The following RIPOR2 variants were observed in gnomAD, a reference collection of about 807,000 sequenced individuals.
RIPOR2 encodes the protein rho family-interacting cell polarization regulator 2.
In RIPOR2, 39 loss-of-function variants were observed where a neutral mutation model predicts 114.5. The ratio of observed to expected loss-of-function variants is 0.34; its 90% CI spans 0.26 to 0.44. RIPOR2 has a LOEUF of 0.44. Among genes scored for constraint, RIPOR2 ranks in the 20% least tolerant of loss-of-function variants. The probability of loss-of-function intolerance (pLI) is 1.00; values close to 1 mark genes in which losing one functional copy is unlikely to be tolerated. For synonymous variants in RIPOR2, 445 were observed against 484.4 expected (o/e 0.92, Z 1.07); for missense variants, 1,007 against 1,255.1 (o/e 0.80, Z 2.99).
At chr6:24,950,850 T>C (rs1181044402) in intron 1 of RIPOR2, among the ~76,000 whole-genome samples, 3 of 152,230 alleles carry the variant, frequency 2.0e-5, no homozygotes, top group Admixed American at 6.5e-5. Context: ...ATTTCTCAAA[T>C]CTTTTATTTT....
chr6:25,017,342 T>C (rs1776059712), intron 1 of RIPOR2, among the ~76,000 whole-genome samples: 1 of 152,198 alleles, frequency 6.6e-6, no homozygotes, highest in South Asian at 2.1e-4. Context: ...AAATGCCATT[T>C]AGGCAGAGCA....
chr6:24,952,758 A>G (rs999024735), intron 1 of RIPOR2, among the ~76,000 whole-genome samples: 1 of 152,276 alleles, frequency 6.6e-6, no homozygotes, highest in African/African-American at 2.4e-5. Context: ...TCTCATAAGC[A>G]GGTATGTGCT....
chr6:24,949,025 C>A (rs902312919), intron 1 of RIPOR2, among the ~76,000 whole-genome samples: 2 of 152,140 alleles, frequency 1.3e-5, no homozygotes, highest in Non-Finnish European at 1.5e-5. Flanking sequence ...GGGCTCATTT[C>A]ATCTCTGTAC....
chr6:24,853,577 T>G (rs929274941), intron 8 of RIPOR2, among the ~76,000 whole-genome samples: 2 of 152,224 alleles, frequency 1.3e-5, no homozygotes, highest in African/African-American at 4.8e-5. Flanking sequence ...AAGATGGAGT[T>G]ACACCTGAGG....
intron 1 of RIPOR2, among the ~76,000 whole-genome samples, chr6:24,975,037 AAT>A (rs1561819241): frequency 0.012 from 1,804 of 152,336 alleles, 22 homozygotes; most frequent in African/African-American, 0.032. Context: ...GGTTTCTTTT[AAT>A]GGTAATAAAA....
chr6:24,833,527 A>AT (rs1760845935), intron 15 of RIPOR2, among the ~76,000 whole-genome samples: 1 of 151,030 alleles, frequency 6.6e-6, no homozygotes, highest in Non-Finnish European at 1.5e-5. Context: ...AACAACAACA[A>AT]CAAAAAAACA....
intron 1 of RIPOR2, among the ~76,000 whole-genome samples, chr6:25,040,573 T>C (rs993763084): frequency 2.8e-4 from 42 of 149,586 alleles, no homozygotes; most frequent in African/African-American, 9.6e-4. Context: ...AGCTTTCACA[T>C]AGAAATTAGT....
chr6:24,926,949 AATC>A (rs1163594907), intron 1 of RIPOR2, among the ~76,000 whole-genome samples: 3 of 137,518 alleles, frequency 2.2e-5, no homozygotes, highest in South Asian at 2.5e-4. Context: ...TGATTATTAT[AATC>A]ATCATCTCAC....
intron 1 of RIPOR2, among the ~76,000 whole-genome samples, chr6:24,903,501 A>G (rs1768675205): frequency 6.6e-6 from 1 of 152,154 alleles, no homozygotes; most frequent in South Asian, 2.1e-4. Context: ...TAAAGGTTAA[A>G]TTTTAGAAAT....
rs547035498 is a variant in RIPOR2, at chr6:24,976,594, C to T, written c.76+65257G>A. The stretch of plus-strand genomic sequence containing the variant: ...GGTCCCAAAGACAGCAGAAAATTTT[C>T]GTGCTCTGAGCACTGGAGAGAAAGG... On this transcript the variant is annotated intron_variant, in intron 1 of 13. Transcript: ENST00000510784. 1.9e-5 allele frequency: 30 copies of T among 1,606,078 alleles called. 1 individual carries two copies. The East Asian group carries it at 4.0e-4, about 21-fold the overall frequency.
intron 1 of RIPOR2, among the ~76,000 whole-genome samples, chr6:24,990,124 T>A (rs1162139470): frequency 6.6e-6 from 1 of 152,166 alleles, no homozygotes. Context: ...AAAAATAAAA[T>A]CCTCACTTTC....
At chr6:24,862,082 G>C (rs971893388) in intron 7 of RIPOR2, among the ~76,000 whole-genome samples, 3 of 152,224 alleles carry the variant, frequency 2.0e-5, no homozygotes, top group Non-Finnish European at 4.4e-5. Context: ...CACCATCTGT[G>C]CATGTGGTTA....
At chr6:24,968,818 C>T (rs1470737019) in intron 1 of RIPOR2, among the ~76,000 whole-genome samples, 1 of 152,148 alleles carries the variant, frequency 6.6e-6, no homozygotes, top group African/African-American at 2.4e-5. Context: ...CTACAATGCA[C>T]AGTACAGTCT....
chr6:24,912,440 AT>A (rs1197745277), intron 1 of RIPOR2, among the ~76,000 whole-genome samples: 4 of 147,414 alleles, frequency 2.7e-5, no homozygotes, highest in Non-Finnish European at 5.9e-5. Flanking sequence ...ATCTGCATCC[AT>A]TTTTCCAAGA....
chr6:25,003,314 AT>A (rs1381501399), intron 1 of RIPOR2, among the ~76,000 whole-genome samples: 1 of 151,782 alleles, frequency 6.6e-6, no homozygotes, highest in African/African-American at 2.4e-5. Context: ...GTATCTCAAG[AT>A]TTATTTTTAT....
chr6:24,899,537 T>C (rs1371021597), intron 1 of RIPOR2, among the ~76,000 whole-genome samples: 1 of 152,226 alleles, frequency 6.6e-6, no homozygotes, highest in Non-Finnish European at 1.5e-5. Flanking sequence ...GGGTAAACCA[T>C]GCGTGAATTA....
intron 1 of RIPOR2, among the ~76,000 whole-genome samples, chr6:24,969,602 T>C (rs1773685489): frequency 6.6e-6 from 1 of 152,194 alleles, no homozygotes; most frequent in African/African-American, 2.4e-5. Flanking sequence ...TCTAAGCCAC[T>C]AGGCTGTCAT....
chr6:24,945,131 C>T (rs1241610545), intron 1 of RIPOR2, among the ~76,000 whole-genome samples: 1 of 151,540 alleles, frequency 6.6e-6, no homozygotes, highest in Admixed American at 6.6e-5. Context: ...AAAATATGTA[C>T]AATTACCATA....
At chr6:24,850,896 G>T (rs1055069187) in intron 9 of RIPOR2, among the ~76,000 whole-genome samples, 174 bp from the exon 10 acceptor site, 2 of 149,880 alleles carry the variant, frequency 1.3e-5, no homozygotes, top group African/African-American at 4.9e-5. Context: ...GTGGGGAGGA[G>T]ACTTTTTTTT....
Sources: gnomAD v4.1 joint callset for allele counts (sites outside exome capture counted in the v4.1 genomes callset) on GRCh38, gnomAD v4.1.1 for gene constraint, MANE v1.5 for transcripts, NCBI Gene and HGNC (gene_info 2026-07-23, HGNC 2026-07-21) for gene names.